The following RFC3 variants were observed in gnomAD, a reference collection of about 807,000 sequenced individuals.
RFC3 encodes the protein replication factor C subunit 3, also known as A1 38 kDa subunit.
In RFC3, 41 loss-of-function variants were observed where a neutral mutation model predicts 45.1. The observed-to-expected ratio is 0.91, with a 90% confidence interval of 0.71 to 1.18. The LOEUF (loss-of-function observed/expected upper bound fraction) is 1.18, where lower values mean the gene tolerates loss of function less well. Among genes scored for constraint, RFC3 ranks in the 50% most tolerant of loss-of-function variants. RFC3 has a pLI of 0.00. For missense variants in RFC3, 423 were observed against 428.1 expected, an observed-to-expected ratio of 0.99 and a Z score of 0.10; for synonymous variants, 149 against 144.0, an observed-to-expected ratio of 1.03 and a Z score of -0.25.
At chr13:33,867,914 A>C (rs367617968) in intron 8 of RFC3, among the ~76,000 whole-genome samples, 3 of 152,214 alleles carry the variant, frequency 2.0e-5, no homozygotes, top group African/African-American at 7.2e-5. Flanking sequence ...CCATTTAAAA[A>C]ATGAGTTTTG....
At chr13:33,851,343 C>A (rs2082275356) in intron 8 of RFC3, among the ~76,000 whole-genome samples, 1 of 152,124 alleles carries the variant, frequency 6.6e-6, no homozygotes, top group Non-Finnish European at 1.5e-5. Flanking sequence ...CAACATAGAA[C>A]TTTTGACTCC....
intron 8 of RFC3, among the ~76,000 whole-genome samples, chr13:33,965,685 C>T (rs1022190389): frequency 5.9e-5 from 9 of 152,132 alleles, no homozygotes; most frequent in African/African-American, 2.2e-4. Flanking sequence ...GGAAGACAGT[C>T]CTCTAAAGGT....
rs1555307125 is a variant in RFC3, at chr13:33,823,898, T to C, written c.226-19T>C. 1 of 1,351,074 alleles carries C rather than the reference T, an allele frequency of 7.4e-7. No homozygotes were observed. 83.7% of individuals were successfully genotyped at this position (1,351,074 alleles called of 1,614,324 possible). A position where few individuals can be genotyped will look rare whatever the true frequency, so the allele number is the denominator to read the frequency against. On this transcript the variant is annotated intron_variant, in intron 2 of 8. Transcript: ENST00000380071. ...AGGCAATAAATAAATGTTAAAAATA[T>C]CTTTTTCTTTGTCCACAGACTCCAT...
intron 8 of RFC3, among the ~76,000 whole-genome samples, chr13:33,913,560 T>G (rs1181042445): frequency 6.6e-6 from 1 of 152,190 alleles, no homozygotes; most frequent in Non-Finnish European, 1.5e-5. Flanking sequence ...TGTCCCTTTC[T>G]ATATGACCTT....
intron 8 of RFC3, among the ~76,000 whole-genome samples, chr13:33,910,114 T>C (rs1293443661): frequency 1.3e-5 from 2 of 152,244 alleles, no homozygotes; most frequent in Non-Finnish European, 2.9e-5. Context: ...TTTGACTACA[T>C]ACATTAATTC....
At chr13:33,970,173 A>T (rs915773249), downstream of RFC3, among the ~76,000 whole-genome samples, 1 of 152,146 alleles carries the variant, frequency 6.6e-6, no homozygotes, top group Non-Finnish European at 1.5e-5. Flanking sequence ...TTCATAAGTG[A>T]GAACATGTAG....
At chr13:33,868,191 C>T (rs2082385835) in intron 8 of RFC3, among the ~76,000 whole-genome samples, 1 of 152,160 alleles carries the variant, frequency 6.6e-6, no homozygotes, top group African/African-American at 2.4e-5. Flanking sequence ...CTGTGCAGGA[C>T]ATCAGCTATT....
At chr13:33,943,432 C>T (rs1335850042) in intron 8 of RFC3, among the ~76,000 whole-genome samples, 1 of 152,046 alleles carries the variant, frequency 6.6e-6, no homozygotes, top group African/African-American at 2.4e-5. Flanking sequence ...CTGAGCATGC[C>T]CTACCTACAT....
At chr13:33,849,416 A>C (rs2082261931) in intron 8 of RFC3, 1 of 152,202 alleles carries the variant, frequency 6.6e-6, no homozygotes, top group Non-Finnish European at 1.5e-5. Context: ...TAGTGTTTGC[A>C]GTTTTTCTGG....
chr13:33,873,165 A>G (rs2082423491), intron 8 of RFC3, among the ~76,000 whole-genome samples: 1 of 152,308 alleles, frequency 6.6e-6, no homozygotes, highest in African/African-American at 2.4e-5. Context: ...CTTATATACA[A>G]TGGGGTGGAG....
chr13:33,821,425 T>A (rs1329661), intron 2 of RFC3, among the ~76,000 whole-genome samples, 156 bp downstream of exon 2: 34 of 152,206 alleles, frequency 2.2e-4, no homozygotes, highest in Admixed American at 6.5e-5. Context: ...GCTACTGATA[T>A]GGATCTGTTA....
chr13:33,948,113 A>G (rs2137822390), intron 8 of RFC3, among the ~76,000 whole-genome samples: 1 of 152,292 alleles, frequency 6.6e-6, no homozygotes, highest in Non-Finnish European at 1.5e-5. Flanking sequence ...CTTCCATCAC[A>G]GACCGAGACC....
intron 8 of RFC3, among the ~76,000 whole-genome samples, chr13:33,929,438 T>C (rs1229832004): frequency 6.6e-6 from 1 of 152,124 alleles, no homozygotes; most frequent in African/African-American, 2.4e-5. Flanking sequence ...CTAAATTTAA[T>C]GGAATAATTG....
In RFC3 at chr13:33,837,119, C is replaced by G; in HGVS notation, c.*824C>G. 1 of 851,138 alleles carries G rather than the reference C, an allele frequency of 1.2e-6. No homozygotes were observed. Among genetic ancestry groups the G allele is most frequent in the Non-Finnish European group, 1.4e-6 (1 of 707,902 alleles). 52.7% of individuals were successfully genotyped at this position (851,138 alleles called of 1,614,324 possible). Reference sequence around the variant, plus strand: ...GTATAATTTATAAAATAAAATATACCCATTTTAAGGGTACAGTTTGATTTT... The same window carrying G: ...GTATAATTTATAAAATAAAATATACGCATTTTAAGGGTACAGTTTGATTTT... On this transcript the variant is annotated 3_prime_UTR_variant, in exon 9 of 9. Coordinates refer to ENST00000380071, the MANE Select transcript of RFC3 (RefSeq NM_002915.4).
intron 8 of RFC3, among the ~76,000 whole-genome samples, chr13:33,911,452 C>A (rs1186552587): frequency 6.6e-6 from 1 of 151,992 alleles, no homozygotes; most frequent in Non-Finnish European, 1.5e-5. Context: ...TTGTTAGACA[C>A]CCGTCTTAAT....
intron 8 of RFC3, among the ~76,000 whole-genome samples, chr13:33,867,182 T>A (rs1192444707): frequency 1.3e-5 from 2 of 152,182 alleles, no homozygotes; most frequent in African/African-American, 2.4e-5. Context: ...CAGTGGACAG[T>A]GGAATACTTA....
rs147215288 is a variant in RFC3, at chr13:33,957,050, A to G, written c.880-9037A>G. 3.5e-3 allele frequency among the ~76,000 whole-genome samples: 534 copies of G among 152,274 alleles called. 19 individuals are homozygous for G. Among genetic ancestry groups the G allele is most frequent in the Admixed American group, 0.025 (385 of 15,300 alleles). ...CTATCCATGATCATCGTCAACTATTATCTATTTATCTACTGATCTATATTT... is the reference window on the plus strand; with the variant it reads ...CTATCCATGATCATCGTCAACTATTGTCTATTTATCTACTGATCTATATTT... On this transcript the variant is annotated intron_variant, in intron 8 of 8. Coordinates refer to the RFC3 transcript ENST00000434425.
intron 8 of RFC3, among the ~76,000 whole-genome samples, chr13:33,916,667 T>C (rs2082735308): frequency 6.6e-6 from 1 of 152,180 alleles, no homozygotes; most frequent in Non-Finnish European, 1.5e-5. Flanking sequence ...TGTGTCTGTG[T>C]ATATGTAGGC....
intron 8 of RFC3, among the ~76,000 whole-genome samples, chr13:33,955,855 G>A (rs1326896625): frequency 1.3e-5 from 2 of 152,290 alleles, no homozygotes; most frequent in South Asian, 2.1e-4. Flanking sequence ...TGCAGGCCAC[G>A]TGCAGGAGAA....
Sources: gnomAD v4.1 joint callset for allele counts (sites outside exome capture counted in the v4.1 genomes callset) on GRCh38, gnomAD v4.1.1 for gene constraint, MANE v1.5 for transcripts, NCBI Gene and HGNC (gene_info 2026-07-23, HGNC 2026-07-21) for gene names.